ZNF761: variants seen among roughly 807,000 people sequenced by gnomAD.
ZNF761 encodes zinc finger protein 761.
A neutral mutation model predicts 59.9 loss-of-function variants in ZNF761; 43 were observed. The observed-to-expected ratio is 0.72, with a 90% CI of 0.56 to 0.92. The LOEUF (loss-of-function observed/expected upper bound fraction) is 0.92, where lower values mean the gene tolerates loss of function less well. Among genes scored for constraint, ZNF761 ranks in the 40% least tolerant of loss-of-function variants. The pLI, the probability that ZNF761 is intolerant of heterozygous loss-of-function variation, is 0.00. For synonymous variants in ZNF761, 294 were observed against 304.8 expected (o/e 0.96, Z 0.37); for missense variants, 850 against 906.1 (o/e 0.94, Z 0.79).
chr19:53,455,777 A>T lies in ZNF761; in HGVS notation c.1270A>T (p.Asn424Tyr). Reference sequence around the variant, plus strand: ...TGACAAAGCTTACAGTTTCAGATCAAATTTTGAAATACATCGGAAAATTCA... The same window carrying T: ...TGACAAAGCTTACAGTTTCAGATCATATTTTGAAATACATCGGAAAATTCA... ...ECDKAYSFRS[N>Y]FEIHRKIHTE... Residue 424 changes from asparagine (N) to tyrosine (Y), a missense_variant, in exon 5 of 5, where the codon AAT becomes TAT. Transcript: ENST00000684525. 1.2e-6 allele frequency: 2 copies of T among 1,613,904 alleles called. No homozygotes were observed. The highest frequency in any genetic ancestry group is 2.2e-5 in the South Asian group (2 of 91,066).
intron 4 of ZNF761, among the ~76,000 whole-genome samples, chr19:53,450,927 G>A (rs929658838): frequency 1.3e-5 from 2 of 151,954 alleles, no homozygotes; most frequent in East Asian, 1.9e-4. Context: ...CCCAGGAGGT[G>A]GAGGTTGCAG....
intron 1 of ZNF761, among the ~76,000 whole-genome samples, chr19:53,441,395 C>CTTAT (rs57572719): frequency 0.69 from 103,121 of 149,790 alleles, 36,005 homozygotes; most frequent in South Asian, 0.76. Context: ...CTTTATTTTA[C>CTTAT]TTATTTATTT....
At position 53,456,344 on chromosome 19, in the gene ZNF761, A is replaced by G. The variant is rs1299294385; in HGVS notation, c.1837A>G (p.Lys613Glu). The change falls in exon 5 of 5, where the codon AAG (lysine) becomes GAG (glutamate). Residue 613 changes from lysine (K) to glutamate (E), a missense_variant. Coordinates refer to ENST00000684525, the MANE Select transcript of ZNF761 (RefSeq NM_001289951.2). ...TCCTTACAAGTGTAATGAGTGTGGC[A>G]AGACCTTCAGTCGGACGTCATCCCT... Reference protein sequence around the residue: ...ENPYKCNECGKTFSRTSSLTC... With the variant: ...ENPYKCNECGETFSRTSSLTC... 1 of 1,611,468 alleles carries G rather than the reference A, an allele frequency of 6.2e-7. No homozygotes were observed. Among genetic ancestry groups the G allele is most frequent in the African/African-American group, 1.3e-5 (1 of 74,876 alleles).
At chr19:53,437,489 G>A (rs2086055824) in intron 1 of ZNF761, among the ~76,000 whole-genome samples, 2 of 151,992 alleles carry the variant, frequency 1.3e-5, no homozygotes, top group Non-Finnish European at 2.9e-5. Context: ...TATCTTCTTG[G>A]CACACCAGGA....
chr19:53,441,382 A>T (rs1426846556), intron 1 of ZNF761, among the ~76,000 whole-genome samples: 1 of 106,974 alleles, frequency 9.3e-6, no homozygotes, highest in Non-Finnish European at 2.1e-5. Context: ...TGTTTCTTCA[A>T]TTCTTTATTT....
At position 53,456,667 on chromosome 19, in the gene ZNF761, T is replaced by C; in HGVS notation, c.2160T>C (p.Cys720=). 1 of 1,614,000 alleles carries C rather than the reference T, an allele frequency of 6.2e-7. No homozygotes were observed. The highest frequency in any genetic ancestry group is 8.5e-7 in the Non-Finnish European group (1 of 1,179,964). ...RLHTGEKPYK[C]NECGKTFSQK... ...ATACTGGAGAGAAACCTTACAAGTG[T>C]AATGAGTGTGGCAAGACCTTTAGTC... Residue 720 remains cysteine (C), a synonymous_variant, in exon 5 of 5, where the codon TGT becomes TGC. Coordinates refer to ENST00000684525, the MANE Select transcript of ZNF761 (RefSeq NM_001289951.2).
chr19:53,449,743 C>A lies in ZNF761; in HGVS notation c.142+105C>A, dbSNP rs982855272. 6.5e-5 allele frequency: 102 copies of A among 1,571,238 alleles called. 2 individuals carry two copies. In the African/African-American group the frequency reaches 1.0e-3, roughly 16 times the overall value. ...TTGCTCTGTCACCCAGGGTAGAGTG[C>A]AATGGTGTGATCATGGCTCACTGCA... On this transcript the variant is annotated intron_variant, in intron 4 of 4. Transcript: ENST00000684525.
intron 1 of ZNF761, among the ~76,000 whole-genome samples, chr19:53,445,994 C>CGGGG: frequency 6.6e-6 from 1 of 152,176 alleles, no homozygotes; most frequent in South Asian, 2.1e-4. Flanking sequence ...TTCTGTTTTC[C>CGGGG]CAGATATCAA....
chr19:53,433,042 A>T (rs568334245), intron 1 of ZNF761, among the ~76,000 whole-genome samples: 58,314 of 123,408 alleles, frequency 0.47, 10,989 homozygotes, highest in African/African-American at 0.59. Flanking sequence ...GAGAGTGGGG[A>T]CAGGGGGGTA....
At chr19:53,439,509 G>A (rs529898921) in intron 1 of ZNF761, among the ~76,000 whole-genome samples, 9 of 151,956 alleles carry the variant, frequency 5.9e-5, no homozygotes, top group South Asian at 2.1e-4. Flanking sequence ...GAGCTGTGAC[G>A]CTTCTTTTCT....
intron 1 of ZNF761, among the ~76,000 whole-genome samples, chr19:53,433,091 G>T (rs187832632): frequency 0.012 from 1,864 of 151,510 alleles, 18 homozygotes; most frequent in South Asian, 0.04. Flanking sequence ...GAGCAAAGGA[G>T]GCGCAGAGAT....
At chr19:53,446,569 C>T (rs2086162193) in intron 2 of ZNF761, among the ~76,000 whole-genome samples, 1 of 152,080 alleles carries the variant, frequency 6.6e-6, no homozygotes, top group South Asian at 2.1e-4. Context: ...GATGGGGTTT[C>T]ACTGTGTTGG....
In ZNF761 at chr19:53,447,275, T is replaced by G; in HGVS notation, c.7T>G (p.Phe3Val). 2 of 1,613,182 alleles carry G rather than the reference T, an allele frequency of 1.2e-6. No homozygotes were observed. The highest frequency in any genetic ancestry group is 2.2e-5 in the South Asian group (2 of 91,030). MA[F>V]SQGLLTFRDV... ...GAGAGCAAAGGAGTCAGGGATGGCT[T>G]TTTCTCAGGTGAGATGATATTTTCA... Residue 3 changes from phenylalanine to valine, a missense_variant, in exon 3 of 5, where the codon TTT (phenylalanine) becomes GTT (valine). By Grantham distance (50) the Phe-to-Val change is conservative (BLOSUM62 -1). Transcript: ENST00000684525.
At chr19:53,435,625 T>C (rs563768337) in intron 1 of ZNF761, among the ~76,000 whole-genome samples, 51 of 152,154 alleles carry the variant, frequency 3.4e-4, no homozygotes, top group African/African-American at 8.4e-4. Flanking sequence ...AGTTCTTAAG[T>C]GAGTCCTTGT....
At position 53,456,332 on chromosome 19, in the gene ZNF761, A is replaced by G. The variant is rs1439740999; in HGVS notation, c.1825A>G (p.Asn609Asp). The change falls in exon 5 of 5, where the codon AAT (asparagine) becomes GAT (aspartate). Residue 609 changes from asparagine to aspartate, a missense_variant. Transcript: ENST00000684525. ...TACTGAAGAGAATCCTTACAAGTGT[A>G]ATGAGTGTGGCAAGACCTTCAGTCG... Reference protein sequence around the residue: ...IHTEENPYKCNECGKTFSRTS... With the variant: ...IHTEENPYKCDECGKTFSRTS... 2 of 1,611,354 alleles carry G rather than the reference A, an allele frequency of 1.2e-6. No homozygotes were observed. The highest frequency in any genetic ancestry group is 1.7e-6 in the Non-Finnish European group (2 of 1,177,956).
intron 1 of ZNF761, chr19:53,445,212 T>C (rs2086144347): frequency 6.6e-6 from 1 of 152,142 alleles, no homozygotes; most frequent in Non-Finnish European, 1.5e-5. Context: ...TCTTTCGCTA[T>C]TTTCAAGGTC....
chr19:53,454,613 A>C (rs1230629538), intron 4 of ZNF761, 37 bp from the exon 5 acceptor site: 5 of 1,536,106 alleles, frequency 3.3e-6, no homozygotes, highest in Non-Finnish European at 4.4e-6. Flanking sequence ...TACCATCTGT[A>C]CTTAATTTGA....
In ZNF761 at chr19:53,456,937, C is replaced by T. The variant is rs1301671899; in HGVS notation, c.*189C>T. 1.5e-5 allele frequency: 11 copies of T among 757,846 alleles called. No individual in the cohort carries two copies. Among genetic ancestry groups the T allele is most frequent in the South Asian group, 1.0e-4 (6 of 58,088 alleles). The allele number at this position is 757,846 out of a possible 1,614,324, so 46.9% of individuals were successfully genotyped here. A position where few individuals can be genotyped will look rare whatever the true frequency, so the allele number is the denominator to read the frequency against. ...TGAAGAATGTCACAAAGTTTACAGTCGCACATCAAACCGTGAAAGACAGGA... is the reference window on the plus strand; with the variant it reads ...TGAAGAATGTCACAAAGTTTACAGTTGCACATCAAACCGTGAAAGACAGGA... On this transcript the variant is annotated 3_prime_UTR_variant, in exon 5 of 5. Transcript: ENST00000684525.
chr19:53,443,809 G>T (rs2086125341), intron 1 of ZNF761: 1 of 152,276 alleles, frequency 6.6e-6, no homozygotes, highest in African/African-American at 2.4e-5. Flanking sequence ...GACTGTTACT[G>T]TGCCTATGTG....
Sources: allele counts gnomAD v4.1 joint callset (sites outside exome capture counted in the v4.1 genomes callset), GRCh38; gene constraint gnomAD v4.1.1; transcripts MANE v1.5; gene names NCBI Gene and HGNC (gene_info 2026-07-23, HGNC 2026-07-21).